CLSTN1: variants seen among roughly 807,000 people sequenced by gnomAD.
CLSTN1 encodes the protein calsyntenin-1.
A neutral mutation model predicts 108.3 loss-of-function variants in CLSTN1; 28 were observed. The observed-to-expected ratio is 0.26, with a 90% confidence interval of 0.19 to 0.35. CLSTN1 has a LOEUF of 0.35. CLSTN1 is among the 10% of genes least tolerant of loss of function. CLSTN1 has a pLI of 1.00. For missense variants in CLSTN1, 1,157 were observed against 1,302.6 expected, an observed-to-expected ratio of 0.89 and a Z score of 1.72; for synonymous variants, 524 against 534.9, an observed-to-expected ratio of 0.98 and a Z score of 0.28.
chr1:9,743,501 ATG>A (rs1418681398), intron 9 of CLSTN1, among the ~76,000 whole-genome samples: 3 of 152,198 alleles, frequency 2.0e-5, no homozygotes, highest in Non-Finnish European at 4.4e-5. Context: ...ACAGCCATCC[ATG>A]TGCAAGGTTG....
intron 1 of CLSTN1, among the ~76,000 whole-genome samples, chr1:9,797,033 G>A (rs147501814): frequency 6.6e-6 from 1 of 152,158 alleles, no homozygotes; most frequent in Admixed American, 6.6e-5. Context: ...GTGCGTGGTA[G>A]GGGTACTTGG....
chr1:9,792,609 C>T (rs929817060), intron 1 of CLSTN1, among the ~76,000 whole-genome samples: 1 of 151,338 alleles, frequency 6.6e-6, no homozygotes, highest in African/African-American at 2.4e-5. Context: ...CCACGGGTGT[C>T]GGGTGTCGGG....
At chr1:9,800,502 G>A (rs532250439) in intron 1 of CLSTN1, among the ~76,000 whole-genome samples, 58 of 146,860 alleles carry the variant, frequency 3.9e-4, no homozygotes, top group East Asian at 8.1e-4. Context: ...GGAGGATCAC[G>A]AGGTCAGGAG....
At chr1:9,772,874 G>C (rs12034109) in intron 2 of CLSTN1, among the ~76,000 whole-genome samples, 2,584 of 152,166 alleles carry the variant, frequency 0.017, 119 homozygotes, top group South Asian at 0.11. Flanking sequence ...CCGGCTCCAT[G>C]CCACTTGAGG....
intron 1 of CLSTN1, among the ~76,000 whole-genome samples, chr1:9,809,264 C>T (rs1192172385): frequency 6.6e-6 from 1 of 152,232 alleles, no homozygotes; most frequent in East Asian, 1.9e-4. Flanking sequence ...CCAGGAGTCA[C>T]TCTGAAGCGC....
intron 7 of CLSTN1, among the ~76,000 whole-genome samples, chr1:9,747,513 T>C (rs906627373): frequency 6.6e-6 from 1 of 152,090 alleles, no homozygotes; most frequent in African/African-American, 2.4e-5. Context: ...ATTTATTGTT[T>C]TTTTTCTAAG....
chr1:9,748,668 T>C (rs1651401484), intron 7 of CLSTN1, among the ~76,000 whole-genome samples: 4 of 152,106 alleles, frequency 2.6e-5, no homozygotes, highest in Admixed American at 2.6e-4. Context: ...TTGTTTTTTT[T>C]GTAGAGACAG....
At chr1:9,735,225 G>A (rs1650621471) in intron 13 of CLSTN1, 51 bp from the exon 14 acceptor site, 3 of 1,585,214 alleles carry the variant, frequency 1.9e-6, no homozygotes, top group Middle Eastern at 1.7e-4. Flanking sequence ...CGATCTTGGA[G>A]CCCACCTGTG....
In CLSTN1 at chr1:9,731,233, G is replaced by T. The variant is rs1239902480; in HGVS notation, c.2721C>A (p.Ala907=). 9 of 1,614,134 alleles carry T rather than the reference G, an allele frequency of 5.6e-6. No individual in the cohort carries two copies. Among genetic ancestry groups the T allele is most frequent in the Non-Finnish European group, 7.6e-6 (9 of 1,180,064 alleles). ...KENEMDWDDS[A]LTITVNPMET... is the part of the protein sequence containing the mutation. ...CCATGGGGTTGACGGTGATGGTCAG[G>T]GCAGAGTCGTCCCAGTCCATCTCGT... Residue 907 remains alanine (A), a synonymous_variant, in exon 18 of 19, where the codon GCC becomes GCA. Coordinates refer to ENST00000377298, the MANE Select transcript of CLSTN1 (RefSeq NM_001009566.3).
At chr1:9,804,326 G>C (rs1207341993) in intron 1 of CLSTN1, among the ~76,000 whole-genome samples, 1 of 137,814 alleles carries the variant, frequency 7.3e-6, no homozygotes, top group Non-Finnish European at 1.5e-5. Flanking sequence ...TCATGCCACT[G>C]CACTCCAGCC....
rs1175415861 is a variant in CLSTN1, at chr1:9,730,807, A to G, written c.2749-102T>C. 11 of 1,115,948 alleles carry G rather than the reference A, an allele frequency of 9.9e-6. No individual in the cohort carries two copies. The highest frequency in any genetic ancestry group is 1.5e-5 in the African/African-American group (1 of 64,618). 69.1% of individuals were successfully genotyped at this position (1,115,948 alleles called of 1,614,324 possible). On this transcript the variant is annotated intron_variant, in intron 18 of 18. Transcript: ENST00000377298. The surrounding 1 kb of genome is among the most constrained non-coding windows in gnomAD (Gnocchi z 5.6). Reference sequence around the variant, plus strand: ...CCACAGAGGAAGGAGAACTTGCCCCAGCGTCTCCCTCCCCAGCGACAGAGC... The same window carrying G: ...CCACAGAGGAAGGAGAACTTGCCCCGGCGTCTCCCTCCCCAGCGACAGAGC...
At chr1:9,731,032 G>T (rs1173856213) in intron 18 of CLSTN1, 174 bp downstream of exon 18, 2 of 737,112 alleles carry the variant, frequency 2.7e-6, no homozygotes, top group Middle Eastern at 7.5e-4. Context: ...GAACGGCCTT[G>T]AATAAGGTCT....
Position 9,812,807 on chromosome 1 carries a change from C to T in CLSTN1, c.91+10836G>A, listed in dbSNP as rs187082634. Among the ~76,000 whole-genome samples, 372 of 146,604 alleles carry T rather than the reference C, an allele frequency of 2.5e-3. 2 individuals are homozygous for T. The highest frequency in any genetic ancestry group is 7.2e-3 in the Middle Eastern group (2 of 278). ...AGGTTGTGGTGAGCTGAGATCACGC[C>T]ATTGCATTGCAGCCTGGGCAACAAG... is the stretch of plus-strand genomic sequence containing the variant. On this transcript the variant is annotated intron_variant, in intron 1 of 18. Transcript: ENST00000377298.
intron 1 of CLSTN1, among the ~76,000 whole-genome samples, chr1:9,815,496 GAA>G (rs1654933538): frequency 6.6e-6 from 1 of 152,226 alleles, no homozygotes; most frequent in South Asian, 2.1e-4. Context: ...CCTAGACTAG[GAA>G]AAATTCAACT....
intron 1 of CLSTN1, among the ~76,000 whole-genome samples, chr1:9,801,828 T>C (rs940368376): frequency 6.6e-6 from 1 of 152,176 alleles, no homozygotes; most frequent in Admixed American, 6.5e-5. Flanking sequence ...AGTGCTGGGA[T>C]TACAGGCGTG....
At chr1:9,804,939 C>A (rs1349613592) in intron 1 of CLSTN1, among the ~76,000 whole-genome samples, 1 of 152,056 alleles carries the variant, frequency 6.6e-6, no homozygotes, top group East Asian at 1.9e-4. Flanking sequence ...CTAGCTAACA[C>A]AGTGAAACCC....
intron 1 of CLSTN1, among the ~76,000 whole-genome samples, chr1:9,805,866 C>CAAAAAA: frequency 1.3e-5 from 1 of 74,876 alleles, no homozygotes; most frequent in African/African-American, 4.3e-5. Flanking sequence ...GACTCTGTCT[C>CAAAAAA]AAAAAAAAAA....
rs745663402 is a variant in CLSTN1, at chr1:9,728,935, T to C, written c.*1573A>G. The C allele has an allele frequency of 3.9e-5, 6 of 152,266 alleles. No homozygotes were observed. Among genetic ancestry groups the C allele is most frequent in the Non-Finnish European group, 8.8e-5 (6 of 68,038 alleles). 9.4% of individuals were successfully genotyped at this position (152,266 alleles called of 1,614,324 possible). On this transcript the variant is annotated 3_prime_UTR_variant, in exon 19 of 19. Coordinates refer to ENST00000377298, the MANE Select transcript of CLSTN1 (RefSeq NM_001009566.3). Reference sequence around the variant, plus strand: ...TGAAAAGAAAGAAAAAGCCTTTTTATGTTCTTTTATGTTCTCGGCTCAAAA... The same window carrying C: ...TGAAAAGAAAGAAAAAGCCTTTTTACGTTCTTTTATGTTCTCGGCTCAAAA...
intron 8 of CLSTN1, 114 bp downstream of exon 8, chr1:9,744,281 G>A (rs1651136033): frequency 1.4e-6 from 2 of 1,427,738 alleles, no homozygotes. Context: ...CATGGCACAT[G>A]GCCTACGAGC....
Sources: gnomAD v4.1 joint callset for allele counts (sites outside exome capture counted in the v4.1 genomes callset) on GRCh38, gnomAD v4.1.1 for gene constraint, Gnocchi (gnomAD v3.1) non-coding constraint, MANE v1.5 for transcripts, NCBI Gene and HGNC (gene_info 2026-07-23, HGNC 2026-07-21) for gene names.